ZBTB7C: variants seen among roughly 807,000 people sequenced by gnomAD.
ZBTB7C encodes the protein zinc finger and BTB domain containing 7C, also known as zinc finger and BTB domain-containing protein 7C.
ZBTB7C carries 8 observed loss-of-function variants against 25.7 expected under a neutral mutation model. The ratio of observed to expected loss-of-function variants is 0.31; its 90% CI spans 0.18 to 0.56. ZBTB7C has a LOEUF of 0.56. Ranked by LOEUF, ZBTB7C falls within the 20% of genes least tolerant of loss-of-function variation. The pLI, the probability that ZBTB7C is intolerant of heterozygous loss-of-function variation, is 0.91. For missense variants in ZBTB7C, 824 were observed against 855.2 expected (o/e 0.96, Z 0.46); for synonymous variants, 394 against 369.0 (o/e 1.07, Z -0.78).
At chr18:48,196,088 G>A (rs985075514) in intron 2 of ZBTB7C, among the ~76,000 whole-genome samples, 8 of 152,156 alleles carry the variant, frequency 5.3e-5, no homozygotes, top group Non-Finnish European at 1.0e-4. Flanking sequence ...TCAGTCAGGG[G>A]GAATGGAGAA....
At chr18:48,109,567 T>C (rs765220225) in intron 3 of ZBTB7C, among the ~76,000 whole-genome samples, 1 of 152,054 alleles carries the variant, frequency 6.6e-6, no homozygotes, top group South Asian at 2.1e-4. Flanking sequence ...AAAAGTGAGA[T>C]AGAAAATTTG....
intron 1 of ZBTB7C, among the ~76,000 whole-genome samples, chr18:48,406,175 C>T (rs1290048341): frequency 1.3e-5 from 2 of 152,130 alleles, no homozygotes; most frequent in African/African-American, 4.8e-5. Context: ...GGTCCTTCCG[C>T]GCCCAAGTTC....
intron 2 of ZBTB7C, among the ~76,000 whole-genome samples, chr18:48,218,776 C>T (rs2042884255): frequency 6.6e-6 from 1 of 152,204 alleles, no homozygotes; most frequent in Non-Finnish European, 1.5e-5. Flanking sequence ...GCATGTGGGG[C>T]TACCCACCTA....
intron 3 of ZBTB7C, among the ~76,000 whole-genome samples, chr18:48,086,257 C>G (rs987159667): frequency 1.3e-5 from 2 of 152,188 alleles, no homozygotes; most frequent in African/African-American, 4.8e-5. Flanking sequence ...CTCATTTAAT[C>G]CTCACAACAA....
At chr18:48,408,861 G>A (rs1386690069) in intron 1 of ZBTB7C, among the ~76,000 whole-genome samples, 1 of 151,218 alleles carries the variant, frequency 6.6e-6, no homozygotes, top group Non-Finnish European at 1.5e-5. Context: ...GGGCCGCGGT[G>A]CCAGCCAGGA....
chr18:48,095,384 A>G (rs1307769075), intron 3 of ZBTB7C, among the ~76,000 whole-genome samples: 1 of 152,216 alleles, frequency 6.6e-6, no homozygotes, highest in African/African-American at 2.4e-5. Context: ...GCCCTGGAGC[A>G]GGGTTGGCCA....
intron 2 of ZBTB7C, among the ~76,000 whole-genome samples, chr18:48,277,477 C>G (rs180723072): frequency 6.6e-6 from 1 of 152,322 alleles, no homozygotes; most frequent in East Asian, 1.9e-4. Flanking sequence ...TAAGCTTTCT[C>G]TAGGATTTTC....
chr18:48,141,143 A>ACCCCC (rs201273460), intron 3 of ZBTB7C, among the ~76,000 whole-genome samples: 7 of 96,044 alleles, frequency 7.3e-5, no homozygotes, highest in African/African-American at 1.2e-4. Context: ...TCCCCCCCGC[A>ACCCCC]CCACCCCCCC....
chr18:48,129,785 C>T (rs2039930904), intron 3 of ZBTB7C, among the ~76,000 whole-genome samples: 1 of 152,224 alleles, frequency 6.6e-6, no homozygotes, highest in African/African-American at 2.4e-5. Flanking sequence ...TCCCCACCCC[C>T]TGACAGCTTT....
chr18:48,235,571 T>C (rs1372441309), intron 2 of ZBTB7C, among the ~76,000 whole-genome samples: 2 of 152,226 alleles, frequency 1.3e-5, no homozygotes, highest in African/African-American at 4.8e-5. Context: ...TTGTTCTCCA[T>C]TGCATCTTAG....
chr18:48,167,197 T>A (rs2041279117), intron 3 of ZBTB7C, among the ~76,000 whole-genome samples: 1 of 152,112 alleles, frequency 6.6e-6, no homozygotes. Flanking sequence ...TTTGAAAGCT[T>A]TCCACGGACA....
rs144782127 is a variant in ZBTB7C, at chr18:48,076,083, G to C, written c.-16-34960C>G. Among the ~76,000 whole-genome samples the C allele has an allele frequency of 6.3e-3, 955 of 152,306 alleles. 9 individuals are homozygous for C. The highest frequency in any genetic ancestry group is 0.02 in the African/African-American group (840 of 41,556). ...ACCAAATGAAGGCCTTCTATGAGTC[G>C]GGCTCTGGGCAAGGTGCTGCAAGAA... is the stretch of plus-strand genomic sequence containing the variant. On this transcript the variant is annotated intron_variant, in intron 3 of 4. Coordinates refer to ENST00000590800, the MANE Select transcript of ZBTB7C (RefSeq NM_001318841.2).
At chr18:48,176,045 C>T (rs1403376071) in intron 3 of ZBTB7C, among the ~76,000 whole-genome samples, 3 of 152,088 alleles carry the variant, frequency 2.0e-5, no homozygotes, top group Non-Finnish European at 4.4e-5. Flanking sequence ...AAAATGTCTC[C>T]CCATAGACCA....
intron 2 of ZBTB7C, among the ~76,000 whole-genome samples, chr18:48,284,797 A>G (rs1598779244): frequency 6.9e-6 from 1 of 145,332 alleles, no homozygotes; most frequent in South Asian, 2.1e-4. Context: ...TCTCCAAAAA[A>G]AAAAAAAAAA....
intron 3 of ZBTB7C, among the ~76,000 whole-genome samples, chr18:48,157,882 G>C (rs992591890): frequency 1.3e-5 from 2 of 152,166 alleles, no homozygotes; most frequent in Non-Finnish European, 2.9e-5. Flanking sequence ...AAAACACCAC[G>C]TGTGTGCCCC....
intron 3 of ZBTB7C, among the ~76,000 whole-genome samples, chr18:48,117,726 T>C (rs926964895): frequency 6.6e-6 from 1 of 152,192 alleles, no homozygotes; most frequent in Non-Finnish European, 1.5e-5. Context: ...TGCTCTGGGA[T>C]GAGCCTTTAT....
intron 2 of ZBTB7C, among the ~76,000 whole-genome samples, chr18:48,289,566 T>C (rs1164168479): frequency 4.9e-5 from 6 of 122,394 alleles, no homozygotes; most frequent in African/African-American, 9.5e-5. Flanking sequence ...ATATATTTAT[T>C]ATAATATATT....
intron 1 of ZBTB7C, among the ~76,000 whole-genome samples, chr18:48,351,938 C>T (rs1860481077): frequency 6.6e-6 from 1 of 152,150 alleles, no homozygotes; most frequent in South Asian, 2.1e-4. Flanking sequence ...GCAGGTGAAC[C>T]TGAGAGCCCT....
At chr18:48,087,849 G>A (rs1280090829) in intron 3 of ZBTB7C, 1 of 17,862 alleles carries the variant, frequency 5.6e-5, no homozygotes, top group African/African-American at 9.2e-5. Flanking sequence ...AAAGTGGGTG[G>A]GGGGGGGGGG....
Sources: gnomAD v4.1 joint callset for allele counts (sites outside exome capture counted in the v4.1 genomes callset) on GRCh38, gnomAD v4.1.1 for gene constraint, MANE v1.5 for transcripts, NCBI Gene and HGNC (gene_info 2026-07-23, HGNC 2026-07-21) for gene names.